HERC2: variants seen among roughly 807,000 people sequenced by gnomAD.
The protein encoded by HERC2 is E3 ubiquitin-protein ligase HERC2.
Under a neutral mutation model 537.7 loss-of-function variants are expected in HERC2, and 102 were observed. That is an observed-to-expected ratio of 0.19 (90% CI 0.16 to 0.22). The LOEUF is 0.22. Among genes scored for constraint, HERC2 ranks in the 10% least tolerant of loss-of-function variants. HERC2 has a pLI of 1.00. For missense variants in HERC2, 4,236 were observed against 6,198.2 expected, an observed-to-expected ratio of 0.68 and a Z score of 10.63; for synonymous variants, 2,224 against 2,466.2, an observed-to-expected ratio of 0.90 and a Z score of 2.91.
At position 28,176,622 on chromosome 15, in the gene HERC2, C is replaced by CT. The variant is rs770705893; in HGVS notation, c.9515-24dup. The stretch of plus-strand genomic sequence containing the variant: ...AACCTAGGTTTAAGAAACACATATA[C>CT]TTCAGGCCAGCGTTTCATATCATTC... On this transcript the variant is annotated intron_variant, in intron 62 of 92. Transcript: ENST00000261609. This position sits in a 1 kb window ranked among gnomAD's most constrained non-coding sequence, Gnocchi z 5.0. 6.2e-7 allele frequency: 1 copy of CT among 1,614,056 alleles called. No individual in the cohort carries two copies. Among genetic ancestry groups the CT allele is most frequent in the Non-Finnish European group, 8.5e-7 (1 of 1,179,962 alleles).
chr15:28,239,556 C>A (rs962447680), intron 23 of HERC2, among the ~76,000 whole-genome samples: 10 of 146,300 alleles, frequency 6.8e-5, no homozygotes, highest in Non-Finnish European at 1.3e-4. Flanking sequence ...GGATACGCAA[C>A]ACATGAATTC....
rs1338327706 is a variant in HERC2, at chr15:28,186,578, T to C, written c.8824A>G (p.Ser2942Gly). 1 of 1,613,544 alleles carries C rather than the reference T, an allele frequency of 6.2e-7. No homozygotes were observed. The highest frequency in any genetic ancestry group is 8.5e-7 in the Non-Finnish European group (1 of 1,179,732). Residue 2942 changes from serine (S) to glycine (G), a missense_variant and splice_region_variant, in exon 56 of 93, where the codon AGC becomes GGC. Physicochemically the swap from Ser to Gly is moderately conservative, Grantham distance 56 (BLOSUM62 0). This residue lies in a region of HERC2 where 606 missense variants were observed against 884.5 expected (regional missense o/e 0.69). Transcript: ENST00000261609. ...EEEDEKGNSG[S>G]LIRKKAAGLE... is the part of the protein sequence containing the mutation. ...GCACCTGTAACAAATGGTTCTCACC[T>C]TCCGCTGTTGCCTTTCTCATCCTCC...
intron 86 of HERC2, 55 bp from the exon 87 acceptor site, chr15:28,117,209 A>T: frequency 6.4e-7 from 1 of 1,568,498 alleles, no homozygotes; most frequent in Non-Finnish European, 8.8e-7. Flanking sequence ...GGAAGCACAC[A>T]GTCGGGGATA....
intron 86 of HERC2, chr15:28,117,706 A>C: frequency 2.7e-6 from 1 of 374,964 alleles, no homozygotes; most frequent in South Asian, 2.0e-5. Context: ...CACCCATCCC[A>C]TTTCCAAGCC....
At chr15:28,219,587 T>C in intron 37 of HERC2, among the ~76,000 whole-genome samples, 1 of 152,178 alleles carries the variant, frequency 6.6e-6, no homozygotes, top group East Asian at 1.9e-4. Context: ...AAGTGACGTG[T>C]CAAAGATGGT....
At chr15:28,116,092 G>C (rs1008150343) in intron 88 of HERC2, among the ~76,000 whole-genome samples, 5 of 152,244 alleles carry the variant, frequency 3.3e-5, no homozygotes, top group African/African-American at 1.2e-4. Flanking sequence ...AGTGCCTGCA[G>C]CTGTGCACAG....
intron 27 of HERC2, 50 bp from the exon 28 acceptor site, chr15:28,233,846 C>G: frequency 6.2e-7 from 1 of 1,600,768 alleles, no homozygotes; most frequent in South Asian, 1.1e-5. Context: ...AGTGAGTCTT[C>G]ACAAATCTTA....
chr15:28,199,040 G>A (rs994708464), intron 48 of HERC2, among the ~76,000 whole-genome samples: 20 of 151,896 alleles, frequency 1.3e-4, no homozygotes, highest in African/African-American at 4.1e-4. Context: ...CCAGCTACTC[G>A]GGAGACTGAG....
intron 38 of HERC2, among the ~76,000 whole-genome samples, chr15:28,217,214 TCA>T (rs1464021358): frequency 1.4e-5 from 2 of 141,594 alleles, no homozygotes; most frequent in Admixed American, 1.5e-4. Context: ...AGTAATCCCC[TCA>T]CACTCACTCA....
At chr15:28,248,795 TG>T in intron 20 of HERC2, 59 bp from the exon 21 acceptor site, 1 of 1,337,102 alleles carries the variant, frequency 7.5e-7, no homozygotes, top group Non-Finnish European at 1.1e-6. Context: ...AAAAAGAAAA[TG>T]GGATGGGGTA....
At chr15:28,286,682 C>G (rs2076166146) in intron 4 of HERC2, among the ~76,000 whole-genome samples, 1 of 152,154 alleles carries the variant, frequency 6.6e-6, no homozygotes, top group Non-Finnish European at 1.5e-5. Flanking sequence ...AAAGGGTCCT[C>G]CCAGACCTAT....
chr15:28,112,977 G>T (rs570833725), intron 92 of HERC2, 94 bp downstream of exon 92: 1 of 982,958 alleles, frequency 1.0e-6, no homozygotes, highest in Non-Finnish European at 1.5e-6. Context: ...CAAGAGGCTC[G>T]TTTTCCATGT....
At chr15:28,240,525 C>CATT (rs1323068900) in intron 23 of HERC2, among the ~76,000 whole-genome samples, 2 of 152,208 alleles carry the variant, frequency 1.3e-5, no homozygotes, top group Non-Finnish European at 2.9e-5. Flanking sequence ...AAACTAGATT[C>CATT]ATTTTACTAT....
At chr15:28,160,510 G>A (rs770528628) in intron 69 of HERC2, among the ~76,000 whole-genome samples, 11 of 152,208 alleles carry the variant, frequency 7.2e-5, no homozygotes, top group South Asian at 6.2e-4. Context: ...GCGAGGCTCC[G>A]TGGGCGTGGG....
chr15:28,118,524 A>G (rs538991086), intron 86 of HERC2: 27 of 152,368 alleles, frequency 1.8e-4, no homozygotes, highest in African/African-American at 6.3e-4. Context: ...AAAAGTTTTT[A>G]TGTAGTGATG....
intron 20 of HERC2, among the ~76,000 whole-genome samples, chr15:28,253,531 A>G (rs2075152352): frequency 1.3e-5 from 2 of 152,190 alleles, no homozygotes; most frequent in Admixed American, 6.5e-5. Context: ...TCTCACCTAT[A>G]TTGAAAAGGG....
chr15:28,295,311 G>GC (rs1567131869), intron 3 of HERC2, among the ~76,000 whole-genome samples: 3 of 108,938 alleles, frequency 2.8e-5, no homozygotes, highest in Non-Finnish European at 5.6e-5. Flanking sequence ...ATGTGTGTGG[G>GC]GGGGGGGGAG....
chr15:28,283,392 A>T (rs1363549626), intron 4 of HERC2, among the ~76,000 whole-genome samples: 3 of 152,262 alleles, frequency 2.0e-5, no homozygotes, highest in Non-Finnish European at 4.4e-5. Context: ...AGCCCAGCTG[A>T]AAGTACAAAA....
intron 78 of HERC2, among the ~76,000 whole-genome samples, chr15:28,141,159 A>G (rs968690419): frequency 6.6e-6 from 1 of 151,484 alleles, no homozygotes; most frequent in Non-Finnish European, 1.5e-5. Flanking sequence ...AATCACTTGA[A>G]CTCAGGAGGT....
Sources: allele counts gnomAD v4.1 joint callset (sites outside exome capture counted in the v4.1 genomes callset), GRCh38; gene constraint gnomAD v4.1.1; regional missense constraint gnomAD v4.1.1; non-coding constraint Gnocchi (gnomAD v3.1); transcripts MANE v1.5; gene names NCBI Gene and HGNC (gene_info 2026-07-23, HGNC 2026-07-21).